METTL15: variants seen among roughly 807,000 people sequenced by gnomAD.
METTL15 encodes methyltransferase 15, mitochondrial 12S rRNA N4-cytidine, also known as 12S rRNA N(4)-cytidine methyltransferase METTL15.
METTL15 carries 34 observed loss-of-function variants against 38.3 expected under a neutral mutation model. The ratio of observed to expected loss-of-function variants is 0.89; its 90% CI spans 0.68 to 1.18. The LOEUF is 1.18. Among genes scored for constraint, METTL15 ranks in the 50% most tolerant of loss-of-function variants. The pLI, the probability that METTL15 is intolerant of heterozygous loss-of-function variation, is 0.00. For missense variants in METTL15, 438 were observed against 498.4 expected (o/e 0.88, Z 1.15); for synonymous variants, 162 against 170.9 (o/e 0.95, Z 0.41).
chr11:28,412,652 G>T (rs774711458), intron 5 of METTL15, among the ~76,000 whole-genome samples: 1 of 151,990 alleles, frequency 6.6e-6, no homozygotes, highest in Non-Finnish European at 1.5e-5. Context: ...GAAAACTATT[G>T]CATGACTTCA....
chr11:28,210,055 T>G (rs572582938), intron 3 of METTL15, among the ~76,000 whole-genome samples: 1 of 152,002 alleles, frequency 6.6e-6, no homozygotes, highest in South Asian at 2.1e-4. Flanking sequence ...CTAGTTACAA[T>G]CAACTAACTT....
At chr11:28,310,593 A>G (rs1857241357) in intron 6 of METTL15, among the ~76,000 whole-genome samples, 1 of 152,146 alleles carries the variant, frequency 6.6e-6, no homozygotes, top group African/African-American at 2.4e-5. Flanking sequence ...TTTACTAATT[A>G]CATCATTTAC....
At chr11:28,149,373 G>T (rs1753629145) in intron 3 of METTL15, among the ~76,000 whole-genome samples, 1 of 151,674 alleles carries the variant, frequency 6.6e-6, no homozygotes, top group African/African-American at 2.4e-5. Flanking sequence ...TGTGGCAGGG[G>T]TGAGTGGTGG....
At chr11:28,435,101 C>A (rs1288884487) in intron 6 of METTL15, among the ~76,000 whole-genome samples, 2 of 152,174 alleles carry the variant, frequency 1.3e-5, no homozygotes, top group Non-Finnish European at 2.9e-5. Context: ...CCATAGTCTG[C>A]CTTCAGGGCA....
At chr11:28,149,667 T>TA (rs987173447) in intron 3 of METTL15, among the ~76,000 whole-genome samples, 168 of 152,010 alleles carry the variant, frequency 1.1e-3, no homozygotes, top group African/African-American at 2.3e-3. Flanking sequence ...AACATGTAAG[T>TA]AGGATCATCT....
intron 6 of METTL15, among the ~76,000 whole-genome samples, chr11:28,518,214 C>A (rs1267663110): frequency 1.3e-5 from 2 of 152,124 alleles, no homozygotes; most frequent in Non-Finnish European, 2.9e-5. Flanking sequence ...AGGATCTCAT[C>A]TCTGTTGGAT....
chr11:28,262,821 C>T (rs1424362611), intron 4 of METTL15, among the ~76,000 whole-genome samples: 2 of 152,056 alleles, frequency 1.3e-5, no homozygotes, highest in Admixed American at 6.6e-5. Flanking sequence ...TGTGGCTTTT[C>T]ATTGGTCGTA....
At chr11:28,412,059 T>C (rs1850732401) in intron 5 of METTL15, among the ~76,000 whole-genome samples, 1 of 152,006 alleles carries the variant, frequency 6.6e-6, no homozygotes, top group South Asian at 2.1e-4. Flanking sequence ...CTCACACCTG[T>C]AAGGGTGGCT....
At chr11:28,113,256 C>T in intron 2 of METTL15, 62 bp from the exon 3 acceptor site, 8 of 1,134,404 alleles carry the variant, frequency 7.1e-6, no homozygotes, top group South Asian at 3.4e-5. Context: ...TTTGATTTTC[C>T]CCAAGTATTA....
At chr11:28,172,217 C>G (rs1850886314) in intron 3 of METTL15, among the ~76,000 whole-genome samples, 1 of 151,994 alleles carries the variant, frequency 6.6e-6, no homozygotes, top group Non-Finnish European at 1.5e-5. Flanking sequence ...AATTTTAGCA[C>G]AATTTTAGCA....
intron 5 of METTL15, among the ~76,000 whole-genome samples, chr11:28,292,000 A>G (rs972500403): frequency 2.5e-4 from 38 of 152,104 alleles, no homozygotes; most frequent in Admixed American, 2.5e-3. Flanking sequence ...GGTAGATGGT[A>G]TAGACTATAA....
chr11:28,453,808 A>G lies in METTL15; in HGVS notation c.*424+29444A>G, dbSNP rs74437695. 3.4e-3 allele frequency among the ~76,000 whole-genome samples: 524 copies of G among 152,320 alleles called. 2 individuals carry two copies. The highest frequency in any genetic ancestry group is 0.012 in the African/African-American group (513 of 41,576). ...CTACAGTTGACTCTGGGATTCAAGG[A>G]TTAGTGTTAACACAGATCCAATGTT... On this transcript the variant is annotated intron_variant and NMD_transcript_variant, in intron 6 of 7. Transcript: ENST00000532947.
At chr11:28,422,696 C>G (rs1328681156) in intron 5 of METTL15, among the ~76,000 whole-genome samples, 1 of 151,904 alleles carries the variant, frequency 6.6e-6, no homozygotes, top group Non-Finnish European at 1.5e-5. Flanking sequence ...AAAATAAAAT[C>G]AAAAGGGATT....
chr11:28,524,235 A>G (rs1420581317), intron 6 of METTL15, among the ~76,000 whole-genome samples: 1 of 152,238 alleles, frequency 6.6e-6, no homozygotes, highest in Non-Finnish European at 1.5e-5. Flanking sequence ...ATGAACGATA[A>G]TAGATGAAAT....
intron 6 of METTL15, among the ~76,000 whole-genome samples, chr11:28,440,835 C>T (rs1277726309): frequency 6.6e-6 from 1 of 152,116 alleles, no homozygotes; most frequent in East Asian, 1.9e-4. Flanking sequence ...GCCATTAATA[C>T]TAAGGAAGCA....
At chr11:28,448,233 TC>T (rs1308802660) in intron 6 of METTL15, among the ~76,000 whole-genome samples, 1 of 152,236 alleles carries the variant, frequency 6.6e-6, no homozygotes, top group Non-Finnish European at 1.5e-5. Flanking sequence ...CCTGAGATTT[TC>T]CCAGTATTTG....
At chr11:28,243,935 A>C (rs1053627793) in intron 4 of METTL15, among the ~76,000 whole-genome samples, 4 of 152,236 alleles carry the variant, frequency 2.6e-5, no homozygotes, top group African/African-American at 9.6e-5. Context: ...AAATTTGGGC[A>C]GGACACAATG....
At chr11:28,178,376 T>G (rs1169459329) in intron 3 of METTL15, among the ~76,000 whole-genome samples, 2 of 151,956 alleles carry the variant, frequency 1.3e-5, no homozygotes. Flanking sequence ...GTCTCCATTT[T>G]GGGTATTATC....
intron 3 of METTL15, among the ~76,000 whole-genome samples, chr11:28,146,543 C>A (rs1849892847): frequency 6.6e-6 from 1 of 151,844 alleles, no homozygotes; most frequent in African/African-American, 2.4e-5. Context: ...CCTGTAGTTA[C>A]CATGTTGATT....
Sources: allele counts gnomAD v4.1 joint callset (sites outside exome capture counted in the v4.1 genomes callset), GRCh38; gene constraint gnomAD v4.1.1; transcripts MANE v1.5; gene names NCBI Gene and HGNC (gene_info 2026-07-23, HGNC 2026-07-21).